LRP1B: variants seen among roughly 807,000 people sequenced by gnomAD.
LRP1B encodes low-density lipoprotein receptor-related protein 1B.
LRP1B carries 217 observed loss-of-function variants against 556.6 expected under a neutral mutation model. That is an observed-to-expected ratio of 0.39 (90% CI 0.35 to 0.44). LRP1B has a LOEUF of 0.44. Ranked by LOEUF, LRP1B falls within the 20% of genes least tolerant of loss-of-function variation. LRP1B has a pLI of 1.00. For synonymous variants in LRP1B, 2,047 were observed against 1,865.8 expected, an observed-to-expected ratio of 1.10 and a Z score of -2.50; for missense variants, 5,053 against 5,620.8, an observed-to-expected ratio of 0.90 and a Z score of 3.23.
At position 141,461,875 on chromosome 2, in the gene LRP1B, T is replaced by C. The variant is rs572555696; in HGVS notation, c.343+18521A>G. 1.4e-4 allele frequency among the ~76,000 whole-genome samples: 21 copies of C among 152,356 alleles called. 1 individual carries two copies. Among genetic ancestry groups the C allele is most frequent in the African/African-American group, 4.6e-4 (19 of 41,596 alleles). ...GTTGAAGTGAATAATTACTTTGTCA[T>C]CGTACAAAGTAGCTAACATTGAGTC... is the stretch of plus-strand genomic sequence containing the variant. On this transcript the variant is annotated intron_variant, in intron 3 of 90. Transcript: ENST00000389484.
At chr2:141,971,394 CT>C (rs1284731474) in intron 1 of LRP1B, among the ~76,000 whole-genome samples, 2 of 151,440 alleles carry the variant, frequency 1.3e-5, no homozygotes, top group Non-Finnish European at 3.0e-5. Flanking sequence ...TAAGGACATC[CT>C]TGTCTTCGTA....
At chr2:141,992,585 A>C (rs1216730157) in intron 1 of LRP1B, among the ~76,000 whole-genome samples, 1 of 152,184 alleles carries the variant, frequency 6.6e-6, no homozygotes, top group Non-Finnish European at 1.5e-5. Flanking sequence ...CACCATGATT[A>C]AGAAACATCT....
intron 79 of LRP1B, among the ~76,000 whole-genome samples, chr2:140,330,210 A>C (rs1680727061): frequency 8.6e-6 from 1 of 115,916 alleles, no homozygotes; most frequent in Admixed American, 8.0e-5. Context: ...AATAATAATA[A>C]TAATAATAAT....
At chr2:141,453,281 A>G (rs1559078390) in intron 3 of LRP1B, among the ~76,000 whole-genome samples, 3 of 152,184 alleles carry the variant, frequency 2.0e-5, no homozygotes, top group Non-Finnish European at 4.4e-5. Flanking sequence ...GAGGATTTCA[A>G]TAAAAATAAT....
intron 2 of LRP1B, among the ~76,000 whole-genome samples, chr2:141,580,992 C>T (rs1269835370): frequency 2.0e-5 from 3 of 152,180 alleles, no homozygotes; most frequent in Non-Finnish European, 4.4e-5. Flanking sequence ...ATACTTAACA[C>T]CTCTCATCTA....
chr2:141,923,120 A>G (rs1234439841), intron 1 of LRP1B, among the ~76,000 whole-genome samples: 1 of 151,824 alleles, frequency 6.6e-6, no homozygotes, highest in Admixed American at 6.6e-5. Context: ...TTAAAAATAA[A>G]TAAATTCATC....
At chr2:140,303,347 A>C (rs1683924869) in intron 83 of LRP1B, among the ~76,000 whole-genome samples, 2 of 152,012 alleles carry the variant, frequency 1.3e-5, no homozygotes, top group South Asian at 4.1e-4. Flanking sequence ...TCCCGGGTTC[A>C]CGCAATTCTG....
At chr2:140,411,810 G>A (rs1671226698) in intron 66 of LRP1B, among the ~76,000 whole-genome samples, 1 of 151,992 alleles carries the variant, frequency 6.6e-6, no homozygotes, top group Admixed American at 6.6e-5. Context: ...CATTTTGGGG[G>A]CTCAGTTAAC....
At chr2:140,880,787 A>G (rs1267139878) in intron 25 of LRP1B, among the ~76,000 whole-genome samples, 1 of 152,144 alleles carries the variant, frequency 6.6e-6, no homozygotes. Context: ...TTTTCCCATT[A>G]GCTGTCTGTC....
intron 2 of LRP1B, among the ~76,000 whole-genome samples, chr2:141,729,243 G>T (rs1693169833): frequency 6.6e-6 from 1 of 152,050 alleles, no homozygotes; most frequent in Non-Finnish European, 1.5e-5. Context: ...GACTTCCTTG[G>T]GGGCATCAGC....
At chr2:141,719,235 T>C (rs1443955303) in intron 2 of LRP1B, among the ~76,000 whole-genome samples, 1 of 152,166 alleles carries the variant, frequency 6.6e-6, no homozygotes, top group Non-Finnish European at 1.5e-5. Context: ...CTTTCAACAG[T>C]TAACAATCTC....
chr2:141,036,004 G>GGCTT lies in LRP1B; in HGVS notation c.1789+12978_1789+12981dup, dbSNP rs201950112. On this transcript the variant is annotated intron_variant, in intron 11 of 90. Coordinates refer to ENST00000389484, the MANE Select transcript of LRP1B (RefSeq NM_018557.3). ...CATGAACTATAAACATTCAGAGCTC[G>GGCTT]GCTTTGCTTAAGATGCAATGCAGAA... 2.9e-3 allele frequency among the ~76,000 whole-genome samples: 440 copies of GGCTT among 152,094 alleles called. 1 individual carries two copies. The highest frequency in any genetic ancestry group is 0.01 in the African/African-American group (422 of 41,500).
intron 84 of LRP1B, among the ~76,000 whole-genome samples, chr2:140,290,729 G>GT (rs1382973627): frequency 6.6e-6 from 1 of 152,074 alleles, no homozygotes; most frequent in Non-Finnish European, 1.5e-5. Context: ...GTTCCTATTA[G>GT]TGCCTCTTTT....
At chr2:140,654,039 A>C (rs1226076880) in intron 41 of LRP1B, among the ~76,000 whole-genome samples, 1 of 142,362 alleles carries the variant, frequency 7.0e-6, no homozygotes, top group Non-Finnish European at 1.6e-5. Context: ...AAAAAAAAAA[A>C]AAAAAAAAAA....
chr2:140,557,777 A>T (rs185800097), intron 43 of LRP1B, among the ~76,000 whole-genome samples: 129 of 152,232 alleles, frequency 8.5e-4, no homozygotes, highest in African/African-American at 2.9e-3. Context: ...CACTTTTTCT[A>T]TGAAGGAGGC....
At chr2:141,178,578 G>T (rs978275184) in intron 7 of LRP1B, among the ~76,000 whole-genome samples, 1 of 152,064 alleles carries the variant, frequency 6.6e-6, no homozygotes, top group Admixed American at 6.6e-5. Context: ...ATGTATGAGG[G>T]AAAAGATATT....
chr2:140,255,186 C>T (rs1681622176), intron 86 of LRP1B, among the ~76,000 whole-genome samples: 1 of 152,080 alleles, frequency 6.6e-6, no homozygotes, highest in South Asian at 2.1e-4. Flanking sequence ...ATGTTGCAGA[C>T]AGAAATTTCT....
chr2:140,269,048 CTT>C (rs1682337319), intron 86 of LRP1B, among the ~76,000 whole-genome samples: 2 of 151,896 alleles, frequency 1.3e-5, no homozygotes, highest in Non-Finnish European at 2.9e-5. Context: ...GTTCCACAAG[CTT>C]TTTCATTTTC....
intron 7 of LRP1B, among the ~76,000 whole-genome samples, chr2:141,131,994 T>C (rs1701370844): frequency 6.6e-6 from 1 of 151,986 alleles, no homozygotes; most frequent in South Asian, 2.1e-4. Context: ...CCCTTCCCAC[T>C]CTTGCCCCAG....
Sources: gnomAD v4.1 joint callset for allele counts (sites outside exome capture counted in the v4.1 genomes callset) on GRCh38, gnomAD v4.1.1 for gene constraint, MANE v1.5 for transcripts, NCBI Gene and HGNC (gene_info 2026-07-23, HGNC 2026-07-21) for gene names.